The following PDE4D variants were observed in gnomAD, a reference collection of about 807,000 sequenced individuals.
The protein encoded by PDE4D is 3',5'-cyclic-AMP phosphodiesterase 4D.
A neutral mutation model predicts 87.4 loss-of-function variants in PDE4D; 24 were observed. The ratio of observed to expected loss-of-function variants is 0.27; its 90% CI spans 0.20 to 0.39. The LOEUF is 0.39. Among genes scored for constraint, PDE4D ranks in the 10% least tolerant of loss-of-function variants. The pLI, the probability that PDE4D is intolerant of heterozygous loss-of-function variation, is 1.00. For missense variants in PDE4D, 714 were observed against 1,041.0 expected (o/e 0.69, Z 4.32); for synonymous variants, 384 against 383.2 (o/e 1.00, Z -0.02).
rs537088328 is a variant in PDE4D at position 60,103,082 on chromosome 5, G to A, written c.42+82475C>T. ...AATTCTCAGAGAAACTTTGCACTATGAGTCCTATTAATTCATGAACTCCTG... is the reference window on the plus strand; with the variant it reads ...AATTCTCAGAGAAACTTTGCACTATAAGTCCTATTAATTCATGAACTCCTG... On this transcript the variant is annotated intron_variant, in intron 2 of 16. Transcript: ENST00000502484. Among the ~76,000 whole-genome samples the A allele has an allele frequency of 7.9e-5, 12 of 152,172 alleles. 1 individual carries two copies. The East Asian group carries it at 1.9e-3, about 24-fold the overall frequency.
chr5:60,112,988 G>T (rs548226137), intron 2 of PDE4D, among the ~76,000 whole-genome samples: 1 of 152,202 alleles, frequency 6.6e-6, no homozygotes, highest in South Asian at 2.1e-4. Context: ...ATCCAATCCA[G>T]GGAGATGAGA....
rs573310069 is a variant in PDE4D, at chr5:60,271,583, G to A, written c.-89-85896C>T. On this transcript the variant is annotated intron_variant, in intron 1 of 16. Transcript: ENST00000502484. Reference sequence around the variant, plus strand: ...AGGTGTAATCCCCACCAAAGAAAAGGCCCTATATAGTCATTCTGAAAGCCA... The same window carrying A: ...AGGTGTAATCCCCACCAAAGAAAAGACCCTATATAGTCATTCTGAAAGCCA... Among the ~76,000 whole-genome samples the A allele has an allele frequency of 2.0e-5, 3 of 152,238 alleles. No individual in the cohort carries two copies. In the South Asian group the frequency reaches 6.2e-4, roughly 32 times the overall value.
At chr5:59,542,959 A>G (rs1289135984) in intron 1 of PDE4D, among the ~76,000 whole-genome samples, 1 of 152,174 alleles carries the variant, frequency 6.6e-6, no homozygotes, top group Non-Finnish European at 1.5e-5. Context: ...GCATGCTGCC[A>G]GGTAATTTAC....
At chr5:59,377,978 G>C (rs181850873) in intron 1 of PDE4D, among the ~76,000 whole-genome samples, 7 of 152,238 alleles carry the variant, frequency 4.6e-5, no homozygotes, top group Admixed American at 4.6e-4. Context: ...ACACAGGCAT[G>C]TGTATGATCA....
chr5:59,146,680 T>G (rs1056044293), intron 5 of PDE4D, among the ~76,000 whole-genome samples: 2 of 152,146 alleles, frequency 1.3e-5, no homozygotes, highest in African/African-American at 4.8e-5. Flanking sequence ...TGTTGAGCAG[T>G]GCAATAGGAT....
intron 1 of PDE4D, among the ~76,000 whole-genome samples, chr5:59,798,529 C>A (rs1766765923): frequency 6.6e-6 from 1 of 152,184 alleles, no homozygotes; most frequent in Middle Eastern, 3.4e-3. Context: ...TAAGAAAAAT[C>A]TGGAGTTCCT....
intron 1 of PDE4D, among the ~76,000 whole-genome samples, chr5:59,713,894 C>T (rs1405227549): frequency 1.3e-5 from 2 of 152,158 alleles, no homozygotes; most frequent in Non-Finnish European, 2.9e-5. Flanking sequence ...CTTTTGGGCA[C>T]AGGCAGGGTG....
At chr5:59,779,314 C>A (rs776699268) in intron 1 of PDE4D, among the ~76,000 whole-genome samples, 2 of 152,150 alleles carry the variant, frequency 1.3e-5, no homozygotes, top group African/African-American at 2.4e-5. Context: ...AGCCCTCCAT[C>A]CCCAAACTCA....
chr5:59,824,515 G>A (rs1770087162), intron 1 of PDE4D, among the ~76,000 whole-genome samples: 1 of 152,146 alleles, frequency 6.6e-6, no homozygotes, highest in Admixed American at 6.6e-5. Flanking sequence ...TTGAGTAAGA[G>A]AATAGTTCAA....
At chr5:60,023,874 T>C (rs1312997575) in intron 2 of PDE4D, among the ~76,000 whole-genome samples, 2 of 152,214 alleles carry the variant, frequency 1.3e-5, no homozygotes, top group Non-Finnish European at 2.9e-5. Flanking sequence ...AAAGTGAACG[T>C]ATGCACGACT....
At chr5:59,693,823 T>C (rs1751344210) in intron 1 of PDE4D, among the ~76,000 whole-genome samples, 1 of 152,174 alleles carries the variant, frequency 6.6e-6, no homozygotes, top group African/African-American at 2.4e-5. Flanking sequence ...AAGGAAAGAA[T>C]CTAAATAAGA....
rs576324952 is a variant in PDE4D at position 59,915,850 on chromosome 5, C to T, written c.272+72638G>A. The stretch of plus-strand genomic sequence containing the variant: ...TAAATTATCAGGAACATCATCACTC[C>T]GGAAAAAATACAGTGGGGGTTCTCT... On this transcript the variant is annotated intron_variant, in intron 3 of 16. Transcript: ENST00000502484. Among the ~76,000 whole-genome samples the T allele has an allele frequency of 6.6e-5, 10 of 152,124 alleles. No homozygotes were observed. In the East Asian group the frequency reaches 9.7e-4, roughly 15 times the overall value.
chr5:59,204,271 G>A (rs997015075), intron 2 of PDE4D, among the ~76,000 whole-genome samples: 12 of 151,454 alleles, frequency 7.9e-5, no homozygotes, highest in African/African-American at 2.7e-4. Flanking sequence ...GTGGAGGACA[G>A]GCACTGATGA....
chr5:60,437,072 A>G (rs1264564097), intron 1 of PDE4D, among the ~76,000 whole-genome samples: 1 of 151,888 alleles, frequency 6.6e-6, no homozygotes, highest in East Asian at 1.9e-4. Context: ...TTTCTCCCCC[A>G]CACAATCACT....
chr5:59,214,644 T>G (rs1750830483), intron 2 of PDE4D, among the ~76,000 whole-genome samples: 1 of 152,138 alleles, frequency 6.6e-6, no homozygotes, highest in South Asian at 2.1e-4. Context: ...TGTGAATGAA[T>G]AAGTAAGTGT....
intron 2 of PDE4D, among the ~76,000 whole-genome samples, chr5:60,169,234 G>A (rs1783196623): frequency 6.6e-6 from 1 of 151,990 alleles, no homozygotes; most frequent in East Asian, 1.9e-4. Context: ...AAAAACATGG[G>A]CAAAATTATC....
intron 1 of PDE4D, among the ~76,000 whole-genome samples, chr5:60,265,869 G>A (rs1750154297): frequency 6.6e-6 from 1 of 152,104 alleles, no homozygotes; most frequent in Non-Finnish European, 1.5e-5. Flanking sequence ...CAGCCTCTCT[G>A]ACAATTGTAT....
intron 4 of PDE4D, among the ~76,000 whole-genome samples, chr5:59,184,441 A>G (rs376348926): frequency 6.6e-6 from 1 of 152,172 alleles, no homozygotes; most frequent in South Asian, 2.1e-4. Context: ...GGTAAGTTAT[A>G]GTTCCTAATA....
At chr5:59,059,333 G>A (rs1028223598) in intron 5 of PDE4D, among the ~76,000 whole-genome samples, 3 of 152,086 alleles carry the variant, frequency 2.0e-5, no homozygotes, top group Non-Finnish European at 4.4e-5. Context: ...ATGCAGTTGA[G>A]TTAAAAGAAA....
Sources: allele counts gnomAD v4.1 joint callset (sites outside exome capture counted in the v4.1 genomes callset), GRCh38; gene constraint gnomAD v4.1.1; transcripts MANE v1.5; gene names NCBI Gene and HGNC (gene_info 2026-07-23, HGNC 2026-07-21).